The following FSHR variants were observed in gnomAD, a reference collection of about 807,000 sequenced individuals.
FSHR encodes follicle-stimulating hormone receptor.
A neutral mutation model predicts 52.1 loss-of-function variants in FSHR; 46 were observed. That is an observed-to-expected ratio of 0.88 (90% confidence interval 0.70 to 1.13). The LOEUF is 1.13. FSHR is among the 50% of genes most tolerant of loss of function. The probability of loss-of-function intolerance (pLI) is 0.00; values close to 1 mark genes in which losing one functional copy is unlikely to be tolerated. For synonymous variants in FSHR, 399 were observed against 309.6 expected (o/e 1.29, Z -3.03); for missense variants, 964 against 834.6 (o/e 1.16, Z -1.91).
intron 1 of FSHR, among the ~76,000 whole-genome samples, chr2:49,079,730 C>A (rs1572715547): frequency 6.6e-6 from 1 of 152,140 alleles, no homozygotes; most frequent in East Asian, 1.9e-4. Context: ...CACATTAAAT[C>A]TCAATTCCAA....
chr2:48,994,115 G>T (rs1188383788), intron 4 of FSHR, among the ~76,000 whole-genome samples: 1 of 152,102 alleles, frequency 6.6e-6, no homozygotes, highest in Non-Finnish European at 1.5e-5. Flanking sequence ...CTCAATGTTT[G>T]CCAAGCTCTT....
chr2:48,963,897 C>G lies in FSHR; in HGVS notation c.924G>C (p.Arg308Ser), dbSNP rs1471027603. 3 of 1,613,494 alleles carry G rather than the reference C, an allele frequency of 1.9e-6. No individual in the cohort carries two copies. Among genetic ancestry groups the G allele is most frequent in the East Asian group, 4.5e-5 (2 of 44,854 alleles). The change falls in exon 10 of 10, where the codon AGG becomes AGC. Residue 308 changes from arginine to serine, a missense_variant. Physicochemically the swap from Arg to Ser is moderately radical, Grantham distance 110. Transcript: ENST00000406846. ...CTTCTGCCAGAGAGGATCTCTGACC[C>G]CTAGCCTGAGTCATATAATCAACTT... ...RQEVDYMTQA[R>S]GQRSSLAEDN...
At chr2:49,126,688 G>A (rs924158519) in intron 1 of FSHR, among the ~76,000 whole-genome samples, 1 of 152,170 alleles carries the variant, frequency 6.6e-6, no homozygotes, top group African/African-American at 2.4e-5. Flanking sequence ...TTCTGTCACT[G>A]TATAGAGGAA....
At chr2:49,062,887 A>G (rs1437412143) in intron 2 of FSHR, among the ~76,000 whole-genome samples, 1 of 152,150 alleles carries the variant, frequency 6.6e-6, no homozygotes, top group Admixed American at 6.6e-5. Flanking sequence ...AATGGATATT[A>G]TAAAAAAAAC....
intron 1 of FSHR, among the ~76,000 whole-genome samples, chr2:49,146,578 C>T (rs1394208): frequency 1.7e-3 from 263 of 152,102 alleles, no homozygotes; most frequent in African/African-American, 5.8e-3. Flanking sequence ...CCAAGGGAAA[C>T]ATGCTCACTC....
At chr2:49,003,611 A>C (rs1666983592) in intron 4 of FSHR, among the ~76,000 whole-genome samples, 1 of 148,868 alleles carries the variant, frequency 6.7e-6, no homozygotes, top group Admixed American at 6.6e-5. Flanking sequence ...AGAGATGAAC[A>C]AATAGATGGA....
intron 1 of FSHR, among the ~76,000 whole-genome samples, chr2:49,109,694 A>G (rs988226933): frequency 6.6e-6 from 1 of 152,310 alleles, no homozygotes; most frequent in African/African-American, 2.4e-5. Flanking sequence ...ACAAGCCTGC[A>G]TAGTTCAACA....
intron 2 of FSHR, among the ~76,000 whole-genome samples, chr2:49,055,781 C>T (rs137969236): frequency 5.3e-5 from 8 of 151,720 alleles, no homozygotes; most frequent in African/African-American, 1.2e-4. Context: ...GAAAAAGCTG[C>T]GAGACAAGAA....
At chr2:49,055,531 C>CAAAAAAAAAAAAAAAAAAAAA (rs75665223) in intron 2 of FSHR, among the ~76,000 whole-genome samples, 1 of 51,132 alleles carries the variant, frequency 2.0e-5, no homozygotes, top group Non-Finnish European at 3.4e-5. Context: ...CCAGGAAGCT[C>CAAAAAAAAAAAAAAAAAAAAA]AAAAAAAAAA....
chr2:49,034,807 T>C (rs1041673981), intron 2 of FSHR, among the ~76,000 whole-genome samples: 3 of 152,154 alleles, frequency 2.0e-5, no homozygotes, highest in African/African-American at 4.8e-5. Context: ...ATCGACTTGA[T>C]ACATGGACTC....
intron 1 of FSHR, among the ~76,000 whole-genome samples, chr2:49,135,618 C>A (rs1246412478): frequency 6.6e-6 from 1 of 151,972 alleles, no homozygotes; most frequent in African/African-American, 2.4e-5. Flanking sequence ...TTGTAGTTGA[C>A]CCTTGAACAA....
chr2:49,050,423 G>C (rs914618191), intron 2 of FSHR, among the ~76,000 whole-genome samples: 3 of 152,150 alleles, frequency 2.0e-5, no homozygotes, highest in African/African-American at 7.2e-5. Context: ...GCAGTTCCAA[G>C]GGCTTAGGCA....
intron 1 of FSHR, 120 bp from the exon 2 acceptor site, chr2:49,068,410 G>T: frequency 1.2e-6 from 1 of 827,164 alleles, no homozygotes; most frequent in East Asian, 2.5e-5. Flanking sequence ...AAGTAATGTT[G>T]AAATTGCTTT....
chr2:49,102,643 T>A (rs1027970777), intron 1 of FSHR, among the ~76,000 whole-genome samples: 1 of 152,158 alleles, frequency 6.6e-6, no homozygotes, highest in Non-Finnish European at 1.5e-5. Flanking sequence ...TTTAATAGAG[T>A]TAACATAGTC....
chr2:49,058,255 C>G (rs1207856586), intron 2 of FSHR, among the ~76,000 whole-genome samples: 2 of 152,076 alleles, frequency 1.3e-5, no homozygotes, highest in Non-Finnish European at 2.9e-5. Context: ...ACATATTATA[C>G]ATGGAAAAAC....
intron 2 of FSHR, among the ~76,000 whole-genome samples, chr2:49,047,849 A>C (rs1668715106): frequency 6.6e-6 from 1 of 152,174 alleles, no homozygotes; most frequent in Non-Finnish European, 1.5e-5. Flanking sequence ...ACAAATATGT[A>C]CACATATCAA....
At chr2:49,046,845 T>C (rs1214231203) in intron 2 of FSHR, among the ~76,000 whole-genome samples, 1 of 152,180 alleles carries the variant, frequency 6.6e-6, no homozygotes, top group Non-Finnish European at 1.5e-5. Context: ...CACAACAGCA[T>C]ATTTGTGAGT....
intron 6 of FSHR, among the ~76,000 whole-genome samples, chr2:48,986,038 T>G (rs1189046261): frequency 1.3e-5 from 2 of 152,178 alleles, no homozygotes; most frequent in Admixed American, 1.3e-4. Flanking sequence ...TTACATTAGG[T>G]AGTCTGCACG....
chr2:49,038,674 T>G (rs1012159478), intron 2 of FSHR, among the ~76,000 whole-genome samples: 5 of 147,926 alleles, frequency 3.4e-5, no homozygotes, highest in African/African-American at 9.9e-5. Context: ...ATAATAATAC[T>G]GGTTTAGGGG....
Sources: allele counts gnomAD v4.1 joint callset (sites outside exome capture counted in the v4.1 genomes callset), GRCh38; gene constraint gnomAD v4.1.1; transcripts MANE v1.5; gene names NCBI Gene and HGNC (gene_info 2026-07-23, HGNC 2026-07-21).